Variants in PDE1A observed in about 807,000 individuals in gnomAD.
PDE1A encodes dual specificity calcium/calmodulin-dependent 3',5'-cyclic nucleotide phosphodiesterase 1A.
PDE1A carries 35 observed loss-of-function variants against 61.7 expected under a neutral mutation model. That is an observed-to-expected ratio of 0.57 (90% CI 0.43 to 0.75). The LOEUF is 0.75. Among genes scored for constraint, PDE1A ranks in the 30% least tolerant of loss-of-function variants. The probability of loss-of-function intolerance (pLI) is 0.00; values close to 1 mark genes in which losing one functional copy is unlikely to be tolerated. For missense variants in PDE1A, 597 were observed against 630.6 expected (o/e 0.95, Z 0.57); for synonymous variants, 232 against 213.2 (o/e 1.09, Z -0.77).
chr2:182,424,240 C>G (rs950070398), intron 1 of PDE1A, among the ~76,000 whole-genome samples: 3 of 152,076 alleles, frequency 2.0e-5, no homozygotes, highest in African/African-American at 7.2e-5. Context: ...CCACGGCACC[C>G]GGCCAAATAT....
upstream of PDE1A, among the ~76,000 whole-genome samples, chr2:182,431,946 C>T (rs1348737482): frequency 6.6e-6 from 1 of 152,018 alleles, no homozygotes; most frequent in Non-Finnish European, 1.5e-5. Flanking sequence ...AACACCAGCC[C>T]TAGAAACATT....
chr2:182,592,613 A>C, the PDE1A span, among the ~76,000 whole-genome samples: 1 of 152,208 alleles, frequency 6.6e-6, no homozygotes, highest in Non-Finnish European at 1.5e-5. Context: ...GATATTCTGG[A>C]GATGTTTTCT....
chr2:182,544,479 T>C, the PDE1A span, among the ~76,000 whole-genome samples: 1 of 152,168 alleles, frequency 6.6e-6, no homozygotes, highest in African/African-American at 2.4e-5. Flanking sequence ...GTCTAAAATA[T>C]TCATAAAAAC....
At chr2:182,192,600 C>T (rs72895064) in intron 10 of PDE1A, among the ~76,000 whole-genome samples, 2,972 of 152,140 alleles carry the variant, frequency 0.02, 60 homozygotes, top group Non-Finnish European at 0.03. Context: ...TCGCAATAAG[C>T]ATTGTGAAAG....
downstream of PDE1A, among the ~76,000 whole-genome samples, chr2:182,167,063 C>G (rs1445770398): frequency 6.6e-6 from 1 of 152,056 alleles, no homozygotes; most frequent in Non-Finnish European, 1.5e-5. Context: ...TTCTGAGAGA[C>G]CAAAATAAAT....
chr2:182,367,327 G>C (rs528811719), intron 1 of PDE1A, among the ~76,000 whole-genome samples: 1 of 152,006 alleles, frequency 6.6e-6, no homozygotes, highest in South Asian at 2.1e-4. Context: ...AAAATAATTT[G>C]TTCATTTGTT....
At chr2:182,627,809 T>G in the PDE1A span, among the ~76,000 whole-genome samples, 1 of 151,618 alleles carries the variant, frequency 6.6e-6, no homozygotes, top group Non-Finnish European at 1.5e-5. Context: ...CCAGGCGTGG[T>G]GGTGCAATCC....
downstream of PDE1A, among the ~76,000 whole-genome samples, chr2:182,145,149 A>C (rs1017620675): frequency 6.6e-6 from 1 of 152,194 alleles, no homozygotes; most frequent in African/African-American, 2.4e-5. Context: ...CAACAATTAA[A>C]CTTTGCACCA....
chr2:182,149,356 G>A (rs1488510899), intron 13 of PDE1A, among the ~76,000 whole-genome samples: 1 of 152,060 alleles, frequency 6.6e-6, no homozygotes, highest in African/African-American at 2.4e-5. Context: ...CAACAAGGCA[G>A]CAATTATAAA....
chr2:182,203,245 A>G (rs4666819), intron 8 of PDE1A, among the ~76,000 whole-genome samples: 45,294 of 151,910 alleles, frequency 0.3, 7,066 homozygotes, highest in Non-Finnish European at 0.34. Flanking sequence ...TCATGAACTC[A>G]GGAGACAGAG....
intron 2 of PDE1A, among the ~76,000 whole-genome samples, chr2:182,485,074 A>G (rs1302421820): frequency 1.3e-5 from 2 of 152,136 alleles, no homozygotes; most frequent in Non-Finnish European, 2.9e-5. Flanking sequence ...GCAAATGTTC[A>G]CTGTAGCACT....
At chr2:182,469,532 A>G (rs1686891659) in intron 2 of PDE1A, among the ~76,000 whole-genome samples, 1 of 152,006 alleles carries the variant, frequency 6.6e-6, no homozygotes, top group Admixed American at 6.6e-5. Context: ...CCAGACCACT[A>G]AAACTTTCTC....
At chr2:182,547,227 A>G in the PDE1A span, among the ~76,000 whole-genome samples, 3 of 152,316 alleles carry the variant, frequency 2.0e-5, no homozygotes, top group East Asian at 1.9e-4. Context: ...CTGGGTTTCC[A>G]TCTCGTTGTT....
chr2:182,538,525 T>C, the PDE1A span, among the ~76,000 whole-genome samples: 1 of 152,198 alleles, frequency 6.6e-6, no homozygotes, highest in Non-Finnish European at 1.5e-5. Flanking sequence ...TTTTTTTTGC[T>C]GGACTCTATA....
the PDE1A span, among the ~76,000 whole-genome samples, chr2:182,593,626 C>T: frequency 6.6e-6 from 1 of 152,194 alleles, no homozygotes; most frequent in Non-Finnish European, 1.5e-5. Context: ...GCATCTTATA[C>T]TAAAAAGATA....
At chr2:182,228,618 T>C (rs1038562955) in intron 6 of PDE1A, among the ~76,000 whole-genome samples, 2 of 152,202 alleles carry the variant, frequency 1.3e-5, no homozygotes, top group Non-Finnish European at 2.9e-5. Flanking sequence ...AGAAAACTTG[T>C]TAAAATAACT....
At chr2:182,590,553 G>A in the PDE1A span, among the ~76,000 whole-genome samples, 4 of 152,082 alleles carry the variant, frequency 2.6e-5, no homozygotes, top group African/African-American at 9.7e-5. Context: ...AAGTGGAGGG[G>A]GAACTTAATT....
intron 1 of PDE1A, among the ~76,000 whole-genome samples, chr2:182,330,982 C>T (rs1697367831): frequency 6.6e-6 from 1 of 152,184 alleles, no homozygotes; most frequent in Non-Finnish European, 1.5e-5. Context: ...AGTTTCCAGA[C>T]ATTGTGCTCC....
At chr2:182,620,345 G>A in the PDE1A span, among the ~76,000 whole-genome samples, 1 of 152,074 alleles carries the variant, frequency 6.6e-6, no homozygotes, top group Non-Finnish European at 1.5e-5. Flanking sequence ...TCAGACATCT[G>A]ATTGAAATCT....
Sources: gnomAD v4.1 joint callset for allele counts (sites outside exome capture counted in the v4.1 genomes callset) on GRCh38, gnomAD v4.1.1 for gene constraint, MANE v1.5 for transcripts, NCBI Gene and HGNC (gene_info 2026-07-23, HGNC 2026-07-21) for gene names.